CFI: variants seen among roughly 807,000 people sequenced by gnomAD.
The protein encoded by CFI is C3B/C4B inactivator.
CFI carries 66 observed loss-of-function variants against 78.8 expected under a neutral mutation model. That is an observed-to-expected ratio of 0.84 (90% CI 0.69 to 1.03). The LOEUF (loss-of-function observed/expected upper bound fraction) is 1.03, where lower values mean the gene tolerates loss of function less well. Ranked by LOEUF, CFI falls within the 50% of genes least tolerant of loss-of-function variation. The pLI is 0.00. For synonymous variants in CFI, 250 were observed against 232.6 expected (o/e 1.07, Z -0.68); for missense variants, 706 against 704.5 (o/e 1.00, Z -0.02).
intron 1 of CFI, among the ~76,000 whole-genome samples, chr4:109,775,130 A>T (rs1416309060): frequency 6.6e-6 from 1 of 152,108 alleles, no homozygotes; most frequent in Non-Finnish European, 1.5e-5. Context: ...CTGCATTTCC[A>T]ACTAAGGTAC....
intron 11 of CFI, among the ~76,000 whole-genome samples, chr4:109,745,115 C>T (rs546161400): frequency 3.9e-5 from 6 of 152,278 alleles, no homozygotes; most frequent in Non-Finnish European, 5.9e-5. Context: ...AGAGTTTCTG[C>T]TATCAAAGAG....
At chr4:109,756,931 AAGAAAGAAAGAAAGAAAGAAAG>A (rs1561297797) in intron 7 of CFI, among the ~76,000 whole-genome samples, 1 of 149,098 alleles carries the variant, frequency 6.7e-6, no homozygotes, top group Non-Finnish European at 1.5e-5. Flanking sequence ...GAAAGAAAGA[AAGAAAGAAAGAAAGAAAGAAAG>A]AAAGAAAGAA....
intron 7 of CFI, among the ~76,000 whole-genome samples, chr4:109,756,885 A>AAAGG (rs1726235513): frequency 8.0e-6 from 1 of 125,656 alleles, no homozygotes; most frequent in Non-Finnish European, 1.6e-5. Context: ...AGAAAGAAAG[A>AAAGG]AAGGAAAGAA....
At position 109,801,960 on chromosome 4, in the gene CFI, A is replaced by T. The variant is rs777304665; in HGVS notation, c.12T>A (p.Leu4=). Residue 4 remains leucine, a synonymous_variant, in exon 1 of 13, where the codon CTT becomes CTA. Transcript: ENST00000394634. MKL[L]HVFLLFLCFH... is the part of the protein sequence containing the mutation. ...AGCACAGAAATAACAGGAAAACATG[A>T]AGAAGCTTCATGTTGGAGGTGTTCG... The T allele has an allele frequency of 5.6e-6, 9 of 1,612,572 alleles. No individual in the cohort carries two copies. Among genetic ancestry groups the T allele is most frequent in the Middle Eastern group, 1.6e-4 (1 of 6,076 alleles).
intron 1 of CFI, among the ~76,000 whole-genome samples, chr4:109,771,187 C>T (rs867446384): frequency 2.7e-5 from 4 of 150,606 alleles, no homozygotes; most frequent in Admixed American, 1.3e-4. Flanking sequence ...GTCAGGAGTT[C>T]GAGACCAGCC....
At chr4:109,734,129 G>T in the CFI span, among the ~76,000 whole-genome samples, 1 of 152,096 alleles carries the variant, frequency 6.6e-6, no homozygotes, top group Non-Finnish European at 1.5e-5. Flanking sequence ...CCAAGATTGC[G>T]CTATTGCACT....
chr4:109,738,755 T>C (rs1723528873), downstream of CFI, among the ~76,000 whole-genome samples: 1 of 152,144 alleles, frequency 6.6e-6, no homozygotes. Context: ...GCCCCAGCTG[T>C]CTAAGTCCGC....
chr4:109,741,937 T>G (rs1217189532), intron 12 of CFI: 1 of 159,886 alleles, frequency 6.3e-6, no homozygotes, highest in Non-Finnish European at 1.4e-5. Context: ...AGCTTAACCA[T>G]GTTATCAAAG....
intron 6 of CFI, 190 bp from the exon 7 acceptor site, chr4:109,757,973 CAAA>C (rs1220889550): frequency 2.1e-6 from 3 of 1,456,140 alleles, no homozygotes; most frequent in Non-Finnish European, 2.7e-6. Flanking sequence ...AAACAAAAAA[CAAA>C]AAACTCACTA....
chr4:109,760,319 G>A lies in CFI; in HGVS notation c.834C>T (p.Cys278=), dbSNP rs771095953. 1.9e-6 allele frequency: 3 copies of A among 1,614,114 alleles called. No homozygotes were observed. The highest frequency in any genetic ancestry group is 1.7e-6 in the Non-Finnish European group (2 of 1,179,984). ...SGVCIPSQYQ[C]NGEVDCITGE... The stretch of plus-strand genomic sequence containing the variant: ...CTGTAATGCAGTCCACCTCACCATT[G>A]CATTGATACTGGCTTGGAATGCAAA... The change falls in exon 6 of 13, where the codon TGC becomes TGT. Residue 278 remains cysteine (C), a synonymous_variant. Transcript: ENST00000394634.
chr4:109,761,568 T>C lies in CFI; in HGVS notation c.607A>G (p.Thr203Ala). 1 of 1,614,144 alleles carries C rather than the reference T, an allele frequency of 6.2e-7. No individual in the cohort carries two copies. The stretch of plus-strand genomic sequence containing the variant: ...TCAGCGAAATCCTGGTAACCCATAG[T>C]TCTTCTCTTAGTAAAAGTACATTCA... ...LAECTFTKRR[T>A]MGYQDFADVV... is the part of the protein sequence containing the mutation. The change falls in exon 4 of 13, where the codon ACT (threonine) becomes GCT (alanine). Residue 203 changes from threonine to alanine, a missense_variant. Transcript: ENST00000394634.
downstream of CFI, among the ~76,000 whole-genome samples, chr4:109,737,780 A>G (rs1723453810): frequency 6.6e-6 from 1 of 152,242 alleles, no homozygotes. Flanking sequence ...TGTGAACTGC[A>G]TAATATCTTT....
intron 4 of CFI, 40 bp downstream of exon 4, chr4:109,761,477 C>T: frequency 6.3e-7 from 1 of 1,599,794 alleles, no homozygotes; most frequent in Admixed American, 1.7e-5. Flanking sequence ...AATAAACAAC[C>T]TTCAAGGAAG....
At chr4:109,756,090 A>G (rs1726095738) in intron 7 of CFI, among the ~76,000 whole-genome samples, 1 of 152,210 alleles carries the variant, frequency 6.6e-6, no homozygotes, top group South Asian at 2.1e-4. Context: ...CACATTGGAT[A>G]AGAATGCATG....
chr4:109,744,237 T>C (rs879814934), intron 11 of CFI, among the ~76,000 whole-genome samples: 5 of 152,210 alleles, frequency 3.3e-5, no homozygotes, highest in Admixed American at 3.3e-4. Context: ...GGCTTTATTT[T>C]ATTGGGTATG....
chr4:109,739,076 T>A (rs542186919), downstream of CFI, among the ~76,000 whole-genome samples: 1 of 152,312 alleles, frequency 6.6e-6, no homozygotes, highest in African/African-American at 2.4e-5. Flanking sequence ...TAGTTAAAAT[T>A]GTTACTTTTA....
intron 1 of CFI, among the ~76,000 whole-genome samples, chr4:109,781,989 C>T (rs572065843): frequency 1.3e-4 from 20 of 152,062 alleles, no homozygotes; most frequent in South Asian, 1.0e-3. Flanking sequence ...TCAGCAAAAT[C>T]GGCATACAAG....
At position 109,740,877 on chromosome 4, in the gene CFI, G is replaced by A. The variant is rs781443270; in HGVS notation, c.*16C>T. ...CTTGAGAGAAAAAGAATAGAATGAA[G>A]AGAGAGATCACAATTTTATACATTG... On this transcript the variant is annotated 3_prime_UTR_variant, in exon 13 of 13. Coordinates refer to ENST00000394634, the MANE Select transcript of CFI (RefSeq NM_000204.5). The A allele has an allele frequency of 1.3e-5, 20 of 1,592,632 alleles. No homozygotes were observed. The highest frequency in any genetic ancestry group is 1.6e-5 in the Non-Finnish European group (19 of 1,160,528).
At chr4:109,747,919 G>A (rs1483869494) in intron 10 of CFI, among the ~76,000 whole-genome samples, 2 of 152,290 alleles carry the variant, frequency 1.3e-5, no homozygotes, top group South Asian at 2.1e-4. Flanking sequence ...GCACTCCTAT[G>A]AGAATCTAAT....
Sources: allele counts gnomAD v4.1 joint callset (sites outside exome capture counted in the v4.1 genomes callset), GRCh38; gene constraint gnomAD v4.1.1; transcripts MANE v1.5; gene names NCBI Gene and HGNC (gene_info 2026-07-23, HGNC 2026-07-21).